ADAMTS5: variants seen among roughly 807,000 people sequenced by gnomAD.
ADAMTS5 encodes ADAM metallopeptidase with thrombospondin type 1 motif 5.
In ADAMTS5, 54 loss-of-function variants were observed where a neutral mutation model predicts 81.4. That is an observed-to-expected ratio of 0.66 (90% confidence interval 0.53 to 0.83). ADAMTS5 has a LOEUF of 0.83. Ranked by LOEUF, ADAMTS5 falls within the 40% of genes least tolerant of loss-of-function variation. The probability of loss-of-function intolerance (pLI) is 0.00; values close to 1 mark genes in which losing one functional copy is unlikely to be tolerated. For missense variants in ADAMTS5, 1,194 were observed against 1,229.9 expected, an observed-to-expected ratio of 0.97 and a Z score of 0.44; for synonymous variants, 532 against 508.8, an observed-to-expected ratio of 1.05 and a Z score of -0.61.
intron 1 of ADAMTS5, among the ~76,000 whole-genome samples, chr21:26,959,993 C>T (rs1987498323): frequency 6.6e-6 from 1 of 152,184 alleles, no homozygotes; most frequent in South Asian, 2.1e-4. Flanking sequence ...TGGCACACTA[C>T]AGCCTCAGTC....
intron 1 of ADAMTS5, among the ~76,000 whole-genome samples, chr21:26,955,923 T>C (rs1353724368): frequency 6.6e-6 from 1 of 152,236 alleles, no homozygotes; most frequent in Non-Finnish European, 1.5e-5. Context: ...GACAACTGTT[T>C]ATTGGTTAAA....
chr21:26,947,526 C>T (rs531280885), intron 2 of ADAMTS5, among the ~76,000 whole-genome samples: 45 of 152,044 alleles, frequency 3.0e-4, no homozygotes, highest in Admixed American at 5.9e-4. Flanking sequence ...CTCCACCTCC[C>T]GGGTTCAAGT....
chr21:26,936,881 AC>A (rs1163126590), intron 3 of ADAMTS5, among the ~76,000 whole-genome samples: 1 of 152,228 alleles, frequency 6.6e-6, no homozygotes, highest in Non-Finnish European at 1.5e-5. Context: ...AAAAAGAAGT[AC>A]TGTGTAAACT....
chr21:26,954,577 C>T (rs1987383822), intron 2 of ADAMTS5, among the ~76,000 whole-genome samples, 162 bp downstream of exon 2: 1 of 152,178 alleles, frequency 6.6e-6, no homozygotes, highest in Non-Finnish European at 1.5e-5. Flanking sequence ...TTCCCTGTCG[C>T]TCGTATTAGT....
Position 26,966,211 on chromosome 21 carries a change from G to T in ADAMTS5, c.181C>A (p.Pro61Thr), listed in dbSNP as rs1644022179. The T allele has an allele frequency of 6.3e-7, 1 of 1,597,750 alleles. No individual in the cohort carries two copies. Among genetic ancestry groups the T allele is most frequent in the African/African-American group, 1.3e-5 (1 of 74,558 alleles). Residue 61 changes from proline (P) to threonine (T), a missense_variant, in exon 1 of 8, where the codon CCG becomes ACG. Transcript: ENST00000284987. The stretch of plus-strand genomic sequence containing the variant: ...CTGCGCCGCTGCGCCAGGGGGTGCG[G>T]GTGGCCGGGAGGCTCGGCTCGCTCC... The part of the protein sequence containing the change: ...VQERAEPPGH[P>T]HPLAQRRRSK...
At chr21:26,939,255 G>A (rs370246535) in intron 3 of ADAMTS5, among the ~76,000 whole-genome samples, 3 of 152,166 alleles carry the variant, frequency 2.0e-5, no homozygotes, top group African/African-American at 7.2e-5. Context: ...TAGGTATATT[G>A]TTGAGCAGAT....
rs973078679 is a variant in ADAMTS5, at chr21:26,921,608, G to A, written c.*2445C>T. 6.6e-6 allele frequency: 1 copy of A among 152,130 alleles called. No individual in the cohort carries two copies. The highest frequency in any genetic ancestry group is 1.9e-4 in the East Asian group (1 of 5,168). The allele number at this position is 152,130 out of a possible 1,614,324, so 9.4% of individuals were successfully genotyped here. On this transcript the variant is annotated 3_prime_UTR_variant, in exon 8 of 8. Transcript: ENST00000284987. ...AATTTTCCCTTTGTTCACAATTCGT[G>A]GTATCTATTGAACACTCCATTTCTC...
intron 1 of ADAMTS5, among the ~76,000 whole-genome samples, chr21:26,963,140 A>T (rs756835713): frequency 1.4e-4 from 21 of 152,080 alleles, no homozygotes; most frequent in Admixed American, 9.2e-4. Context: ...GGCCCATGTG[A>T]AATATTTTCC....
chr21:26,964,979 T>A, intron 1 of ADAMTS5, among the ~76,000 whole-genome samples: 1 of 152,196 alleles, frequency 6.6e-6, no homozygotes, highest in East Asian at 1.9e-4. Context: ...ACTGTATCAT[T>A]TCCCCAAGCA....
chr21:26,940,834 C>T (rs1276338016), intron 3 of ADAMTS5, among the ~76,000 whole-genome samples: 1 of 152,110 alleles, frequency 6.6e-6, no homozygotes, highest in South Asian at 2.1e-4. Flanking sequence ...GAAATGTTAG[C>T]ACCTCAATCA....
At position 26,924,098 on chromosome 21, in the gene ADAMTS5, GGA is replaced by G; in HGVS notation, c.2746_2747del (p.Ser916ProfsTer7). On this transcript the variant is annotated frameshift_variant, in exon 8 of 8. Transcript: ENST00000284987. LOFTEE classifies it high-confidence loss of function. The part of the protein sequence containing the change: ...NRKLAKGCPL[S>X]QRPSAFKQCL... Reference sequence around the variant, plus strand: ...ATTGCTTAAACGCAGAAGGCCTTTGGGAGAGAGGACATCCTTTTGCTAACTTC... The same window carrying G: ...ATTGCTTAAACGCAGAAGGCCTTTGGGAGAGGACATCCTTTTGCTAACTTC... The G allele has an allele frequency of 6.2e-7, 1 of 1,610,738 alleles. No individual in the cohort carries two copies. The highest frequency in any genetic ancestry group is 8.5e-7 in the Non-Finnish European group (1 of 1,177,156).
At chr21:26,932,452 A>AC (rs1399468340) in intron 5 of ADAMTS5, among the ~76,000 whole-genome samples, 1 of 152,088 alleles carries the variant, frequency 6.6e-6, no homozygotes, top group African/African-American at 2.4e-5. Flanking sequence ...CCAGCACTTT[A>AC]GGGGGCCGAG....
chr21:26,958,222 G>T (rs1423000349), intron 1 of ADAMTS5, among the ~76,000 whole-genome samples: 1 of 152,132 alleles, frequency 6.6e-6, no homozygotes, highest in Non-Finnish European at 1.5e-5. Flanking sequence ...GCTGACACAG[G>T]TAGATACCAT....
At chr21:26,945,761 C>T (rs757440678) in intron 2 of ADAMTS5, among the ~76,000 whole-genome samples, 1 of 152,182 alleles carries the variant, frequency 6.6e-6, no homozygotes, top group Non-Finnish European at 1.5e-5. Flanking sequence ...ATTATGACTT[C>T]TATGCTCCCC....
At chr21:26,934,837 G>A in intron 3 of ADAMTS5, 88 bp from the exon 4 acceptor site, 2 of 1,526,184 alleles carry the variant, frequency 1.3e-6, no homozygotes, top group East Asian at 2.3e-5. Flanking sequence ...TGCCCCGGCT[G>A]GTGTTGGAGC....
chr21:26,932,764 A>C (rs1986935895), intron 5 of ADAMTS5, 97 bp downstream of exon 5: 4 of 1,344,654 alleles, frequency 3.0e-6, no homozygotes, highest in Non-Finnish European at 3.0e-6. Flanking sequence ...GTGCAGTATA[A>C]GATTAATATT....
At chr21:26,930,977 T>C (rs779950808) in intron 6 of ADAMTS5, among the ~76,000 whole-genome samples, 17 of 152,180 alleles carry the variant, frequency 1.1e-4, no homozygotes, top group African/African-American at 3.9e-4. Flanking sequence ...ACATGAGCTT[T>C]AAAAAATTTC....
At chr21:26,957,474 T>C (rs934676608) in intron 1 of ADAMTS5, among the ~76,000 whole-genome samples, 2 of 151,862 alleles carry the variant, frequency 1.3e-5, no homozygotes, top group Admixed American at 1.3e-4. Context: ...GATAGATAGA[T>C]AGATATAATC....
At chr21:26,948,848 C>G (rs1009526261) in intron 2 of ADAMTS5, among the ~76,000 whole-genome samples, 2 of 152,054 alleles carry the variant, frequency 1.3e-5, no homozygotes, top group East Asian at 1.9e-4. Context: ...AGCTCTGGAG[C>G]CAGATGGATT....
Sources: gnomAD v4.1 joint callset for allele counts (sites outside exome capture counted in the v4.1 genomes callset) on GRCh38, gnomAD v4.1.1 for gene constraint, MANE v1.5 for transcripts, NCBI Gene and HGNC (gene_info 2026-07-23, HGNC 2026-07-21) for gene names.